The following FRMD4A variants were observed in gnomAD, a reference collection of about 807,000 sequenced individuals.
FRMD4A encodes the protein FERM domain-containing protein 4A.
In FRMD4A, 29 loss-of-function variants were observed where a neutral mutation model predicts 129.1. The ratio of observed to expected loss-of-function variants is 0.22; its 90% CI spans 0.17 to 0.31. The LOEUF is 0.31. Ranked by LOEUF, FRMD4A falls within the 10% of genes least tolerant of loss-of-function variation. The pLI, the probability that FRMD4A is intolerant of heterozygous loss-of-function variation, is 1.00. For missense variants in FRMD4A, 1,272 were observed against 1,375.8 expected (o/e 0.92, Z 1.19); for synonymous variants, 634 against 571.6 (o/e 1.11, Z -1.56).
intron 5 of FRMD4A, among the ~76,000 whole-genome samples, chr10:13,795,532 G>A (rs1366192774): frequency 1.3e-5 from 2 of 152,174 alleles, no homozygotes; most frequent in African/African-American, 2.4e-5. Context: ...ATGCTCTTTA[G>A]GAATGACAGA....
At chr10:13,970,636 A>G (rs759573588) in intron 2 of FRMD4A, among the ~76,000 whole-genome samples, 2 of 152,140 alleles carry the variant, frequency 1.3e-5, no homozygotes, top group South Asian at 4.1e-4. Context: ...GAGAGGAGGA[A>G]AAATGAGCGA....
At chr10:14,009,178 C>T (rs1588757609) in intron 2 of FRMD4A, among the ~76,000 whole-genome samples, 1 of 152,268 alleles carries the variant, frequency 6.6e-6, no homozygotes, top group South Asian at 2.1e-4. Context: ...TGGTCTCAAA[C>T]GTTAACTTTT....
In FRMD4A at chr10:14,177,922, A is replaced by G. The variant is rs550708356; in HGVS notation, c.45+152136T>C. On this transcript the variant is annotated intron_variant, in intron 2 of 24. Coordinates refer to ENST00000357447, the MANE Select transcript of FRMD4A (RefSeq NM_018027.5). ...ACCTCTGGAATCAATAGGACTTGGAACCTATCAATTAGCTCCTGAGATGAT... is the reference window on the plus strand; with the variant it reads ...ACCTCTGGAATCAATAGGACTTGGAGCCTATCAATTAGCTCCTGAGATGAT... Among the ~76,000 whole-genome samples the G allele has an allele frequency of 4.6e-5, 7 of 152,314 alleles. No homozygotes were observed. The South Asian group carries it at 6.2e-4, about 14-fold the overall frequency.
Position 13,964,119 on chromosome 10 carries a change from T to C in FRMD4A, c.46-105207A>G, listed in dbSNP as rs192477271. ...GGTGTGTTATCTTGTTGGTGCTTTG[T>C]CAACAGGCATTAGAAAAAAAAAAAA... is the stretch of plus-strand genomic sequence containing the variant. On this transcript the variant is annotated intron_variant, in intron 2 of 24. Coordinates refer to ENST00000357447, the MANE Select transcript of FRMD4A (RefSeq NM_018027.5). Among the ~76,000 whole-genome samples the C allele has an allele frequency of 4.3e-4, 62 of 145,846 alleles. 1 individual carries two copies. Among genetic ancestry groups the C allele is most frequent in the Admixed American group, 4.2e-3 (62 of 14,764 alleles).
At position 13,825,253 on chromosome 10, in the gene FRMD4A, G is replaced by C. The variant is rs75231627; in HGVS notation, c.112-14345C>G. Among the ~76,000 whole-genome samples the C allele has an allele frequency of 3.1e-3, 472 of 152,278 alleles. 13 individuals are homozygous for C. In the East Asian group the frequency reaches 0.066, roughly 21 times the overall value. ...TCAAGTAAGGTTGACTTGAACACAA[G>C]TGCTGCCATCCTGAGACAGTTGATC... On this transcript the variant is annotated intron_variant, in intron 3 of 24. Transcript: ENST00000357447.
intron 2 of FRMD4A, among the ~76,000 whole-genome samples, chr10:14,220,927 C>T (rs1486985228): frequency 6.6e-6 from 1 of 151,832 alleles, no homozygotes; most frequent in Non-Finnish European, 1.5e-5. Context: ...CAGAACCCTA[C>T]CATATTGGCT....
At position 13,670,497 on chromosome 10, in the gene FRMD4A, G is replaced by T; in HGVS notation, c.1283C>A (p.Pro428His). ...ELTGKLPVEY[P>H]LDPGEEPPIV... ...GGGTGGTTCCTCCCCTGGATCCAGGGGATATTCTACTGGCAGCTTGCCCGT... is the reference window on the plus strand; with the variant it reads ...GGGTGGTTCCTCCCCTGGATCCAGGTGATATTCTACTGGCAGCTTGCCCGT... The change falls in exon 17 of 25, where the codon CCC (proline) becomes CAC (histidine). Residue 428 changes from proline to histidine, a missense_variant. Physicochemically the swap from Pro to His is moderately conservative, Grantham distance 77. This residue lies in a region of FRMD4A where 972 missense variants were observed against 892.3 expected (regional missense o/e 1.09). Transcript: ENST00000357447. The T allele has an allele frequency of 1.9e-6, 3 of 1,613,296 alleles. No individual in the cohort carries two copies. Among genetic ancestry groups the T allele is most frequent in the South Asian group, 1.1e-5 (1 of 91,036 alleles).
intron 2 of FRMD4A, among the ~76,000 whole-genome samples, chr10:14,208,793 T>C (rs1842856806): frequency 6.6e-6 from 1 of 152,154 alleles, no homozygotes; most frequent in Non-Finnish European, 1.5e-5. Flanking sequence ...CCTGTATCTG[T>C]CCCATGCCTG....
At chr10:14,087,917 G>A (rs953109868) in intron 2 of FRMD4A, among the ~76,000 whole-genome samples, 63 of 152,314 alleles carry the variant, frequency 4.1e-4, no homozygotes, top group African/African-American at 1.4e-3. Flanking sequence ...GGGTCATGTT[G>A]CAGCGGCTTC....
intron 2 of FRMD4A, among the ~76,000 whole-genome samples, chr10:14,048,618 C>T (rs1170201835): frequency 6.6e-6 from 1 of 151,868 alleles, no homozygotes; most frequent in Non-Finnish European, 1.5e-5. Context: ...CCAGCCTGGC[C>T]AACATGGTGA....
At chr10:13,844,239 T>C (rs1247392256) in intron 3 of FRMD4A, among the ~76,000 whole-genome samples, 1 of 152,172 alleles carries the variant, frequency 6.6e-6, no homozygotes, top group Non-Finnish European at 1.5e-5. Context: ...GCTTTAGACA[T>C]CACATAGTCA....
At chr10:13,650,149 G>T (rs535602756) in intron 24 of FRMD4A, among the ~76,000 whole-genome samples, 1 of 152,380 alleles carries the variant, frequency 6.6e-6, no homozygotes, top group South Asian at 2.1e-4. Context: ...ACAGGGTTTT[G>T]TGGTTTATAA....
rs574105338 is a variant in FRMD4A, at chr10:14,289,814, A to G, written c.45+40244T>C. On this transcript the variant is annotated intron_variant, in intron 2 of 24. Coordinates refer to ENST00000357447, the MANE Select transcript of FRMD4A (RefSeq NM_018027.5). ...TCCACATCAGAGAGGAAGTAGTTAA[A>G]TTACTACTGTTTCCAGATGATATGC... Among the ~76,000 whole-genome samples the G allele has an allele frequency of 5.9e-5, 9 of 152,194 alleles. No homozygotes were observed. The East Asian group carries it at 1.7e-3, about 29-fold the overall frequency.
At chr10:14,222,018 T>C (rs1025959263) in intron 2 of FRMD4A, among the ~76,000 whole-genome samples, 2 of 152,216 alleles carry the variant, frequency 1.3e-5, no homozygotes, top group Non-Finnish European at 2.9e-5. Context: ...CTCTGTCTTT[T>C]TAAAGGGAGA....
At chr10:14,160,365 G>A (rs548773909) in intron 2 of FRMD4A, among the ~76,000 whole-genome samples, 3 of 152,244 alleles carry the variant, frequency 2.0e-5, no homozygotes, top group African/African-American at 7.2e-5. Context: ...AAACAATTCA[G>A]GACATTGGTC....
At chr10:13,931,194 A>T (rs536675863) in intron 2 of FRMD4A, among the ~76,000 whole-genome samples, 1 of 152,212 alleles carries the variant, frequency 6.6e-6, no homozygotes, top group African/African-American at 2.4e-5. Context: ...ACCCACCAAT[A>T]TGTTTCCAGG....
intron 2 of FRMD4A, among the ~76,000 whole-genome samples, chr10:14,187,004 A>G (rs985562065): frequency 1.3e-5 from 2 of 151,358 alleles, no homozygotes; most frequent in Admixed American, 1.3e-4. Flanking sequence ...GCACATTCCT[A>G]GCTACTAATC....
intron 2 of FRMD4A, among the ~76,000 whole-genome samples, chr10:14,129,371 CATATATATATATATAT>C (rs3033977): frequency 4.3e-5 from 2 of 46,202 alleles, no homozygotes; most frequent in Non-Finnish European, 8.3e-5. Context: ...AATTATGATT[CATATATATATATATAT>C]ATATATATAT....
chr10:13,974,652 G>C (rs895933145), intron 2 of FRMD4A, among the ~76,000 whole-genome samples: 5 of 152,048 alleles, frequency 3.3e-5, no homozygotes, highest in Non-Finnish European at 5.9e-5. Context: ...TCAGCCTCCC[G>C]AGTACCTGGG....
Sources: gnomAD v4.1 joint callset for allele counts (sites outside exome capture counted in the v4.1 genomes callset) on GRCh38, gnomAD v4.1.1 for gene constraint, gnomAD v4.1.1 regional missense constraint, MANE v1.5 for transcripts, NCBI Gene and HGNC (gene_info 2026-07-23, HGNC 2026-07-21) for gene names.